MAF: variants seen among roughly 807,000 people sequenced by gnomAD.
MAF encodes the protein MAF bZIP transcription factor.
A neutral mutation model predicts 22.0 loss-of-function variants in MAF; 10 were observed. The ratio of observed to expected loss-of-function variants is 0.45; its 90% CI spans 0.28 to 0.77. MAF has a LOEUF of 0.77. MAF is among the 30% of genes least tolerant of loss of function. MAF has a pLI of 0.12. For synonymous variants in MAF, 337 were observed against 255.8 expected, an observed-to-expected ratio of 1.32 and a Z score of -3.03; for missense variants, 544 against 548.4, an observed-to-expected ratio of 0.99 and a Z score of 0.08.
the MAF span, among the ~76,000 whole-genome samples, chr16:79,482,935 C>A: frequency 1.1e-5 from 1 of 91,172 alleles, no homozygotes; most frequent in African/African-American, 4.5e-5. Flanking sequence ...CCTCTCCTCT[C>A]CCCTCCTTCC....
the MAF span, among the ~76,000 whole-genome samples, chr16:79,540,482 G>A: frequency 6.6e-6 from 1 of 152,076 alleles, no homozygotes; most frequent in Non-Finnish European, 1.5e-5. Context: ...AGACTCACTG[G>A]CCAGCTCAGA....
the MAF span, among the ~76,000 whole-genome samples, chr16:79,407,080 G>T: frequency 1.3e-5 from 2 of 152,212 alleles, no homozygotes; most frequent in African/African-American, 4.8e-5. Context: ...TAATATGCGA[G>T]GTTGGCACCA....
the MAF span, among the ~76,000 whole-genome samples, chr16:79,502,712 T>TAAATATAA: frequency 0.018 from 572 of 31,006 alleles, 13 homozygotes; most frequent in South Asian, 0.036. Context: ...AATATAAATA[T>TAAATATAA]ATATATATAT....
chr16:79,230,878 C>T, the MAF span, among the ~76,000 whole-genome samples: 17 of 152,136 alleles, frequency 1.1e-4, no homozygotes, highest in East Asian at 3.1e-3. Flanking sequence ...GACTCTGCTT[C>T]CCGCTCAGTA....
the MAF span, among the ~76,000 whole-genome samples, chr16:79,574,765 G>C: frequency 2.0e-5 from 3 of 152,094 alleles, no homozygotes; most frequent in Non-Finnish European, 2.9e-5. Context: ...TGACTGCCTT[G>C]GGCTTGCTTA....
chr16:79,397,907 G>C, the MAF span, among the ~76,000 whole-genome samples: 3 of 152,190 alleles, frequency 2.0e-5, no homozygotes, highest in Non-Finnish European at 4.4e-5. Flanking sequence ...TGATTCTGGA[G>C]AGAAAGATGT....
the MAF span, among the ~76,000 whole-genome samples, chr16:79,534,864 G>C: frequency 2.0e-5 from 3 of 152,296 alleles, no homozygotes; most frequent in East Asian, 5.8e-4. Context: ...TCCAAAATTT[G>C]ATCCCAGGTT....
chr16:79,395,361 T>G, the MAF span, among the ~76,000 whole-genome samples: 1 of 152,104 alleles, frequency 6.6e-6, no homozygotes, highest in South Asian at 2.1e-4. Flanking sequence ...AAGATAGGGG[T>G]ACCAGGTTGA....
At chr16:79,268,032 C>T in the MAF span, among the ~76,000 whole-genome samples, 1 of 152,092 alleles carries the variant, frequency 6.6e-6, no homozygotes, top group African/African-American at 2.4e-5. Context: ...GAGTCACATC[C>T]TCCCCTCTAG....
chr16:79,305,374 C>G, the MAF span, among the ~76,000 whole-genome samples: 2 of 152,228 alleles, frequency 1.3e-5, no homozygotes, highest in African/African-American at 4.8e-5. Context: ...CAGTCCCAAC[C>G]TACTTCCAAC....
chr16:79,548,092 AGATTT>A, the MAF span, among the ~76,000 whole-genome samples: 2 of 152,184 alleles, frequency 1.3e-5, no homozygotes, highest in African/African-American at 2.4e-5. Flanking sequence ...TTTCTTTTTT[AGATTT>A]GATTTATCTG....
the MAF span, among the ~76,000 whole-genome samples, chr16:79,329,078 AT>A: frequency 0.6 from 88,199 of 147,060 alleles, 27,147 homozygotes; most frequent in South Asian, 0.73. Context: ...TCCTTCTGTG[AT>A]TTTTTTTTTT....
intron 1 of MAF, chr16:79,597,487 A>G (rs1913603651): frequency 2.0e-6 from 2 of 1,024,992 alleles, no homozygotes; most frequent in Non-Finnish European, 2.3e-6. Flanking sequence ...TTCTTATTAA[A>G]AAGAAAACAT....
the MAF span, among the ~76,000 whole-genome samples, chr16:79,404,671 C>A: frequency 6.6e-6 from 1 of 151,266 alleles, no homozygotes; most frequent in Non-Finnish European, 1.5e-5. Flanking sequence ...ACTACTTATT[C>A]TTAACTGTGA....
At chr16:79,432,210 C>A in the MAF span, among the ~76,000 whole-genome samples, 1 of 152,194 alleles carries the variant, frequency 6.6e-6, no homozygotes, top group African/African-American at 2.4e-5. Context: ...CCCCTGCTGG[C>A]ACTCATTCTC....
chr16:79,445,882 A>G, the MAF span, among the ~76,000 whole-genome samples: 52 of 152,332 alleles, frequency 3.4e-4, no homozygotes, highest in African/African-American at 1.2e-3. Context: ...TAATGCATGC[A>G]TACATGACCA....
the MAF span, among the ~76,000 whole-genome samples, chr16:79,507,420 C>T: frequency 6.7e-6 from 1 of 150,360 alleles, no homozygotes; most frequent in African/African-American, 2.5e-5. Flanking sequence ...CCAGCCCTTG[C>T]ATCTTACTTT....
the MAF span, among the ~76,000 whole-genome samples, chr16:79,471,667 G>A: frequency 1.3e-5 from 2 of 152,098 alleles, no homozygotes; most frequent in Admixed American, 6.5e-5. Flanking sequence ...TCACGGCAAG[G>A]CACTGTCTCA....
the MAF span, chr16:79,212,403 A>ATAGAC: frequency 2.6e-4 from 111 of 430,352 alleles, no homozygotes; most frequent in African/African-American, 1.9e-3. Flanking sequence ...AGTACTTGTC[A>ATAGAC]TAGACTCCTT....
Sources: gnomAD v4.1 joint callset for allele counts (sites outside exome capture counted in the v4.1 genomes callset) on GRCh38, gnomAD v4.1.1 for gene constraint, MANE v1.5 for transcripts, NCBI Gene and HGNC (gene_info 2026-07-23, HGNC 2026-07-21) for gene names.